Variants in FBRS observed in about 807,000 individuals in gnomAD.
FBRS encodes the protein probable fibrosin-1.
Under a neutral mutation model 86.1 loss-of-function variants are expected in FBRS, and 15 were observed. The ratio of observed to expected loss-of-function variants is 0.17; its 90% CI spans 0.12 to 0.27. The LOEUF is 0.27. Among genes scored for constraint, FBRS ranks in the 10% least tolerant of loss-of-function variants. FBRS has a pLI of 1.00. For synonymous variants in FBRS, 666 were observed against 575.8 expected (o/e 1.16, Z -2.24); for missense variants, 1,367 against 1,301.6 (o/e 1.05, Z -0.77).
Position 30,664,307 on chromosome 16 carries a change from C to A in FBRS, c.1148C>A (p.Ser383Tyr), listed in dbSNP as rs1313649704. The change falls in exon 7 of 18, where the codon TCC becomes TAC. Residue 383 changes from serine (S) to tyrosine (Y), a missense_variant. Ser to Tyr is a moderately radical substitution (Grantham distance 144, BLOSUM62 -2). Transcript: ENST00000356166. ...SSSSSSSSSA[S>Y]SSSAQLTHRP... The stretch of plus-strand genomic sequence containing the variant: ...TCGTCCTCCTCCTCCTCATCTGCCT[C>A]CTCCTCGTCCGCGCAGCTCACCCAC... The A allele has an allele frequency of 9.7e-6, 15 of 1,540,544 alleles. No homozygotes were observed. The highest frequency in any genetic ancestry group is 1.3e-5 in the Non-Finnish European group (15 of 1,140,392).
At position 30,670,272 on chromosome 16, in the gene FBRS, C is replaced by T. The variant is rs1043867178; in HGVS notation, c.*627C>T. 5 of 449,408 alleles carry T rather than the reference C, an allele frequency of 1.1e-5. No individual in the cohort carries two copies. Among genetic ancestry groups the T allele is most frequent in the Admixed American group, 4.8e-5 (2 of 41,294 alleles). The allele number at this position is 449,408 out of a possible 1,614,324, so 27.8% of individuals were successfully genotyped here. A position where few individuals can be genotyped will look rare whatever the true frequency, so the allele number is the denominator to read the frequency against. ...GCCGGGAAGGGACAGTCAGGCTTCT[C>T]CCTGGGAAGGTGGGGCCAGCAGGAG... On this transcript the variant is annotated 3_prime_UTR_variant, in exon 18 of 18. Transcript: ENST00000356166.
chr16:30,660,467 T>C (rs2052445565), intron 2 of FBRS, 25 bp downstream of exon 2: 6 of 1,256,466 alleles, frequency 4.8e-6, no homozygotes, highest in African/African-American at 1.5e-5. Flanking sequence ...TAAAACTCTT[T>C]AGGCAGAATG....
chr16:30,664,917 C>T lies in FBRS; in HGVS notation c.1560C>T (p.His520=), dbSNP rs754720466. ...PPGLLPPHGP[H]MFEKYPGKME... is the part of the protein sequence containing the mutation. ...GCCTGCTGCCACCCCACGGCCCCCACATGGTGAGCTCCTCATTGGGCTGGC... is the reference window on the plus strand; with the variant it reads ...GCCTGCTGCCACCCCACGGCCCCCATATGGTGAGCTCCTCATTGGGCTGGC... Residue 520 remains histidine (H), a synonymous_variant, in exon 8 of 18, where the codon CAC becomes CAT. Coordinates refer to ENST00000356166, the MANE Select transcript of FBRS (RefSeq NM_001105079.3). 3.1e-6 allele frequency: 5 copies of T among 1,610,490 alleles called. No homozygotes were observed. Among genetic ancestry groups the T allele is most frequent in the Admixed American group, 1.7e-5 (1 of 59,606 alleles).
At position 30,669,683 on chromosome 16, in the gene FBRS, C is replaced by A; in HGVS notation, c.*38C>A. 6.5e-7 allele frequency: 1 copy of A among 1,546,278 alleles called. No individual in the cohort carries two copies. Among genetic ancestry groups the A allele is most frequent in the South Asian group, 1.2e-5 (1 of 83,992 alleles). On this transcript the variant is annotated 3_prime_UTR_variant, in exon 18 of 18. Transcript: ENST00000356166. The surrounding 1 kb of genome is among the most constrained non-coding windows in gnomAD (Gnocchi z 5.9). ...GGGGTCGGGGCAAAGCTCCATCTCC[C>A]CTTCCTTTAACCAGGTCCTAGGGCT...
At chr16:30,660,528 C>T (rs1030436005) in intron 2 of FBRS, 86 bp downstream of exon 2, 36 of 1,255,818 alleles carry the variant, frequency 2.9e-5, no homozygotes, top group Non-Finnish European at 3.4e-5. Flanking sequence ...CCCTTGTAAA[C>T]AGAGACCCCA....
At position 30,669,654 on chromosome 16, in the gene FBRS, G is replaced by T. The variant is rs748054905; in HGVS notation, c.*9G>T. On this transcript the variant is annotated 3_prime_UTR_variant, in exon 18 of 18. Transcript: ENST00000356166. The surrounding 1 kb of genome is among the most constrained non-coding windows in gnomAD (Gnocchi z 5.9). ...CTCGGGCTGACAGGTGAGGGGAACG[G>T]GGGGGGGTCGGGGCAAAGCTCCATC... 2 of 1,578,342 alleles carry T rather than the reference G, an allele frequency of 1.3e-6. No individual in the cohort carries two copies. The highest frequency in any genetic ancestry group is 8.6e-7 in the Non-Finnish European group (1 of 1,167,352).
In FBRS at chr16:30,669,219, T is replaced by C. The variant is rs952563567; in HGVS notation, c.2517T>C (p.Ala839=). The change falls in exon 18 of 18, where the codon GCT becomes GCC. Residue 839 remains alanine, a synonymous_variant. Coordinates refer to ENST00000356166, the MANE Select transcript of FBRS (RefSeq NM_001105079.3). The surrounding 1 kb of genome is among the most constrained non-coding windows in gnomAD (Gnocchi z 5.9). The part of the protein sequence containing the change: ...EEAAAAAAAA[A]AAAAAAAAAA... Reference sequence around the variant, plus strand: ...CTGCCGCCGCCGCTGCCGCTGCTGCTGCCGCCGCCGCTGCCGCCGCCGCAG... The same window carrying C: ...CTGCCGCCGCCGCTGCCGCTGCTGCCGCCGCCGCCGCTGCCGCCGCCGCAG... The C allele has an allele frequency of 8.6e-5, 133 of 1,544,372 alleles. No individual in the cohort carries two copies. Among genetic ancestry groups the C allele is most frequent in the Admixed American group, 5.2e-4 (26 of 50,326 alleles).
chr16:30,659,913 A>G lies in FBRS; in HGVS notation c.395A>G (p.Glu132Gly), dbSNP rs560457612. 19 of 1,550,436 alleles carry G rather than the reference A, an allele frequency of 1.2e-5. No homozygotes were observed. The African/African-American group carries it at 1.6e-4, about 13-fold the overall frequency. Reference protein sequence around the residue: ...EAEEEPEEEEEEEEDLIDGFA... With the variant: ...EAEEEPEEEEGEEEDLIDGFA... The stretch of plus-strand genomic sequence containing the variant: ...GAGGAGGAGCCTGAGGAGGAGGAAG[A>G]GGAGGAGGAGGACTTGATCGATGGC... The change falls in exon 1 of 18, where the codon GAG becomes GGG. Residue 132 changes from glutamate (E) to glycine (G), a missense_variant. Glu to Gly is a moderately conservative substitution (Grantham distance 98). Around this residue, in one of 3 missense-constraint regions of FBRS, gnomAD observed 702 missense variants for 598.7 expected, o/e 1.17. Transcript: ENST00000356166.
chr16:30,667,061 C>A, intron 13 of FBRS, 71 bp downstream of exon 13: 1 of 1,413,682 alleles, frequency 7.1e-7, no homozygotes, highest in Non-Finnish European at 9.8e-7. Flanking sequence ...GGCATTGGCC[C>A]TCAACAGAGC....
In FBRS at chr16:30,664,256, C is replaced by A; in HGVS notation, c.1097C>A (p.Ala366Asp). 1 of 1,412,186 alleles carries A rather than the reference C, an allele frequency of 7.1e-7. No individual in the cohort carries two copies. Among genetic ancestry groups the A allele is most frequent in the South Asian group, 1.4e-5 (1 of 70,528 alleles). The allele number at this position is 1,412,186 out of a possible 1,614,324, so 87.5% of individuals were successfully genotyped here. Residue 366 changes from alanine (A) to aspartate (D), a missense_variant, in exon 7 of 18, where the codon GCT becomes GAT. Physicochemically the swap from Ala to Asp is moderately radical, Grantham distance 126 (BLOSUM62 -2). Coordinates refer to ENST00000356166, the MANE Select transcript of FBRS (RefSeq NM_001105079.3). Reference protein sequence around the residue: ...PPPKAPAPPVAQPPPSSSSSS... With the variant: ...PPPKAPAPPVDQPPPSSSSSS... Reference sequence around the variant, plus strand: ...CCCAAGGCCCCGGCCCCTCCCGTGGCTCAGCCTCCCCCCTCATCATCCTCT... The same window carrying A: ...CCCAAGGCCCCGGCCCCTCCCGTGGATCAGCCTCCCCCCTCATCATCCTCT...
chr16:30,667,719 C>A, intron 15 of FBRS, 97 bp downstream of exon 15: 1 of 1,110,848 alleles, frequency 9.0e-7, no homozygotes. Context: ...CAGGATAGAC[C>A]TGGTTCCACT....
rs1304909791 is a variant in FBRS at position 30,659,262 on chromosome 16, A to G, written c.-257A>G. On this transcript the variant is annotated 5_prime_UTR_variant, in exon 1 of 18. Transcript: ENST00000356166. ...CAACTTGGGGCCTCGCCTTAAAGGG[A>G]CGGCCGCCCCGTTTTCGCCGTCGCG... 1 of 169,170 alleles carries G rather than the reference A, an allele frequency of 5.9e-6. No individual in the cohort carries two copies. The highest frequency in any genetic ancestry group is 1.3e-5 in the Non-Finnish European group (1 of 79,686). The allele number at this position is 169,170 out of a possible 1,614,324, so 10.5% of individuals were successfully genotyped here. A position where few individuals can be genotyped will look rare whatever the true frequency, so the allele number is the denominator to read the frequency against.
At chr16:30,660,229 T>A (rs923304477) in intron 1 of FBRS, 34 bp from the exon 2 acceptor site, 2 of 1,337,920 alleles carry the variant, frequency 1.5e-6, no homozygotes, top group African/African-American at 3.1e-5. Context: ...CTTGCCCTTT[T>A]CCATCTATCT....
At chr16:30,662,080 A>G (rs2052469444) in intron 4 of FBRS, 3 of 284,872 alleles carry the variant, frequency 1.1e-5, no homozygotes, top group East Asian at 8.2e-5. Context: ...ACTTTTACCA[A>G]CGCTGGTGGA....
intron 15 of FBRS, chr16:30,668,036 C>A (rs1380746141): frequency 2.4e-5 from 5 of 209,256 alleles, no homozygotes; most frequent in Non-Finnish European, 9.4e-6. Context: ...TGGCTGGGGA[C>A]GTGGTGACAT....
Position 30,669,362 on chromosome 16 carries a change from C to T in FBRS, c.2660C>T (p.Ala887Val). The T allele has an allele frequency of 1.2e-6, 2 of 1,612,480 alleles. No homozygotes were observed. Among genetic ancestry groups the T allele is most frequent in the Non-Finnish European group, 1.7e-6 (2 of 1,179,652 alleles). The change falls in exon 18 of 18, where the codon GCA (alanine) becomes GTA (valine). Residue 887 changes from alanine (A) to valine (V), a missense_variant. Coordinates refer to ENST00000356166, the MANE Select transcript of FBRS (RefSeq NM_001105079.3). The surrounding 1 kb of genome is among the most constrained non-coding windows in gnomAD (Gnocchi z 5.9). ...AGFLEPTWLA[A>V]PPRLARPPRF... Reference sequence around the variant, plus strand: ...TTCCTGGAGCCAACCTGGTTGGCAGCACCCCCACGCCTGGCAAGGCCACCC... The same window carrying T: ...TTCCTGGAGCCAACCTGGTTGGCAGTACCCCCACGCCTGGCAAGGCCACCC...
At chr16:30,661,609 C>T (rs1567544001) in intron 4 of FBRS, among the ~76,000 whole-genome samples, 2 of 152,112 alleles carry the variant, frequency 1.3e-5, no homozygotes, top group Non-Finnish European at 2.9e-5. Flanking sequence ...TCTGGTTCTC[C>T]ACGGAAACCC....
chr16:30,669,741 C>T lies in FBRS; in HGVS notation c.*96C>T. 1 of 1,404,756 alleles carries T rather than the reference C, an allele frequency of 7.1e-7. No homozygotes were observed. The highest frequency in any genetic ancestry group is 9.4e-7 in the Non-Finnish European group (1 of 1,066,412). 87.0% of individuals were successfully genotyped at this position (1,404,756 alleles called of 1,614,324 possible). A position where few individuals can be genotyped will look rare whatever the true frequency, so the allele number is the denominator to read the frequency against. On this transcript the variant is annotated 3_prime_UTR_variant, in exon 18 of 18. Coordinates refer to ENST00000356166, the MANE Select transcript of FBRS (RefSeq NM_001105079.3). The surrounding 1 kb of genome is among the most constrained non-coding windows in gnomAD (Gnocchi z 5.9). Reference sequence around the variant, plus strand: ...TAAGCCAGGGCTGGAGGGCAAAGGTCATAACCTCACCAGCCACCTCTGAGG... The same window carrying T: ...TAAGCCAGGGCTGGAGGGCAAAGGTTATAACCTCACCAGCCACCTCTGAGG...
chr16:30,660,271 A>C lies in FBRS; in HGVS notation c.468A>C (p.Ala156=). 7.6e-7 allele frequency: 1 copy of C among 1,318,138 alleles called. No individual in the cohort carries two copies. Among genetic ancestry groups the C allele is most frequent in the African/African-American group, 1.5e-5 (1 of 65,034 alleles). 81.7% of individuals were successfully genotyped at this position (1,318,138 alleles called of 1,614,324 possible). The change falls in exon 2 of 18, where the codon GCA becomes GCC. Residue 156 remains alanine (A), a synonymous_variant. Coordinates refer to ENST00000356166, the MANE Select transcript of FBRS (RefSeq NM_001105079.3). ...FATLEALQKD[A]SLQPPERLEH... is the part of the protein sequence containing the mutation. ...CACCTCCTCCTCCACAGAAGGATGC[A>C]TCTCTTCAGCCCCCAGAGCGACTGG... is the stretch of plus-strand genomic sequence containing the variant.
Sources: allele counts gnomAD v4.1 joint callset (sites outside exome capture counted in the v4.1 genomes callset), GRCh38; gene constraint gnomAD v4.1.1; regional missense constraint gnomAD v4.1.1; non-coding constraint Gnocchi (gnomAD v3.1); transcripts MANE v1.5; gene names NCBI Gene and HGNC (gene_info 2026-07-23, HGNC 2026-07-21).